The following TRHDE variants were observed in gnomAD, a reference collection of about 807,000 sequenced individuals.
TRHDE encodes the protein thyrotropin-releasing hormone-degrading ectoenzyme.
TRHDE carries 72 observed loss-of-function variants against 125.7 expected under a neutral mutation model. The ratio of observed to expected loss-of-function variants is 0.57; its 90% CI spans 0.47 to 0.70. TRHDE has a LOEUF of 0.70. TRHDE is among the 30% of genes least tolerant of loss of function. The pLI is 0.00. For missense variants in TRHDE, 1,110 were observed against 1,327.1 expected, an observed-to-expected ratio of 0.84 and a Z score of 2.54; for synonymous variants, 509 against 509.1, an observed-to-expected ratio of 1.00 and a Z score of 0.00.
chr12:72,093,105 T>A (rs1363340609), intron 1 of TRHDE, among the ~76,000 whole-genome samples: 1 of 152,222 alleles, frequency 6.6e-6, no homozygotes, highest in Non-Finnish European at 1.5e-5. Context: ...TATTTTAAAT[T>A]GTGAATGGGT....
chr12:72,490,586 G>A (rs1469357218), intron 5 of TRHDE, among the ~76,000 whole-genome samples: 2 of 146,760 alleles, frequency 1.4e-5, no homozygotes, highest in African/African-American at 5.3e-5. Flanking sequence ...TTGTCGATGA[G>A]GAAATTTTGT....
At chr12:72,463,221 G>A (rs1051279356) in intron 3 of TRHDE, among the ~76,000 whole-genome samples, 1 of 152,290 alleles carries the variant, frequency 6.6e-6, no homozygotes, top group Admixed American at 6.5e-5. Flanking sequence ...TGATGCTCCT[G>A]AATTGCTAGG....
intron 1 of TRHDE, among the ~76,000 whole-genome samples, chr12:72,274,116 T>C (rs559436904): frequency 6.6e-6 from 1 of 151,958 alleles, no homozygotes; most frequent in South Asian, 2.1e-4. Flanking sequence ...AACTTCAAGT[T>C]GAGATTCGGA....
intron 17 of TRHDE, among the ~76,000 whole-genome samples, chr12:72,656,656 T>C (rs1487212392): frequency 6.6e-6 from 1 of 152,066 alleles, no homozygotes; most frequent in Non-Finnish European, 1.5e-5. Flanking sequence ...CTAAATCCAG[T>C]TTTAGAGGGC....
intron 1 of TRHDE, among the ~76,000 whole-genome samples, chr12:72,281,460 T>C (rs1879695484): frequency 6.6e-6 from 1 of 152,202 alleles, no homozygotes; most frequent in Admixed American, 6.5e-5. Flanking sequence ...TTGAAACTTT[T>C]CTTTAGGTCT....
intron 3 of TRHDE, among the ~76,000 whole-genome samples, chr12:72,422,892 TCTA>T (rs913640993): frequency 1.2e-4 from 18 of 152,134 alleles, no homozygotes; most frequent in Non-Finnish European, 2.5e-4. Flanking sequence ...TCTTTCACTT[TCTA>T]CTATGTAATG....
intron 3 of TRHDE, among the ~76,000 whole-genome samples, chr12:72,453,320 T>A (rs1875673866): frequency 6.6e-6 from 1 of 152,190 alleles, no homozygotes; most frequent in Admixed American, 6.5e-5. Context: ...TAGGGATATG[T>A]GGAAGTTTGA....
chr12:72,643,923 AG>A (rs1374286696), intron 15 of TRHDE, among the ~76,000 whole-genome samples: 2 of 152,206 alleles, frequency 1.3e-5, no homozygotes, highest in Non-Finnish European at 2.9e-5. Flanking sequence ...TTCAACTCTC[AG>A]AAGATTATAT....
At chr12:72,184,542 G>T (rs981885047) in intron 2 of TRHDE, among the ~76,000 whole-genome samples, 2 of 152,102 alleles carry the variant, frequency 1.3e-5, no homozygotes, top group Non-Finnish European at 2.9e-5. Context: ...TTATAGTATG[G>T]AAAGGAAGAA....
intron 2 of TRHDE, among the ~76,000 whole-genome samples, chr12:72,143,994 C>T (rs1876172503): frequency 6.6e-6 from 1 of 152,162 alleles, no homozygotes; most frequent in South Asian, 2.1e-4. Context: ...ACTTTTGTAA[C>T]TATAGATTGG....
At chr12:72,475,848 CCAT>C (rs1876866796) in intron 5 of TRHDE, among the ~76,000 whole-genome samples, 1 of 152,086 alleles carries the variant, frequency 6.6e-6, no homozygotes, top group African/African-American at 2.4e-5. Flanking sequence ...ATAATAAACT[CCAT>C]CACATTTAAT....
At position 72,179,164 on chromosome 12, in the gene TRHDE, A is replaced by G. The variant is rs111456743; in HGVS notation, n.279+73412A>G. The stretch of plus-strand genomic sequence containing the variant: ...TCTGGTACAAGAAGTTCATGACAAC[A>G]CTTGGAGTTGTTGCAGGATATATCG... On this transcript the variant is annotated intron_variant and non_coding_transcript_variant, in intron 2 of 4. Coordinates refer to the TRHDE transcript ENST00000548156. 2.8e-3 allele frequency among the ~76,000 whole-genome samples: 421 copies of G among 152,278 alleles called. 3 individuals are homozygous for G. Among genetic ancestry groups the G allele is most frequent in the African/African-American group, 9.5e-3 (393 of 41,570 alleles).
At chr12:72,497,960 A>T (rs1385739347) in intron 5 of TRHDE, among the ~76,000 whole-genome samples, 3 of 140,180 alleles carry the variant, frequency 2.1e-5, no homozygotes, top group Admixed American at 1.4e-4. Flanking sequence ...CATATTTGTC[A>T]TTTAATTCAG....
At chr12:72,136,286 C>T (rs1413400774) in intron 2 of TRHDE, among the ~76,000 whole-genome samples, 3 of 152,058 alleles carry the variant, frequency 2.0e-5, no homozygotes, top group African/African-American at 7.2e-5. Flanking sequence ...GCATAACAGC[C>T]TCTGAATTGC....
At chr12:72,137,310 A>G (rs2139311907) in intron 2 of TRHDE, 1 of 152,374 alleles carries the variant, frequency 6.6e-6, no homozygotes. Context: ...CCAGAACCAT[A>G]GAGATTATTT....
intron 2 of TRHDE, among the ~76,000 whole-genome samples, chr12:72,232,413 C>T (rs1456593624): frequency 6.6e-6 from 1 of 152,004 alleles, no homozygotes; most frequent in African/African-American, 2.4e-5. Context: ...ATAGAAGGTG[C>T]TGGAATATGG....
intron 1 of TRHDE, among the ~76,000 whole-genome samples, chr12:72,278,060 T>A (rs191213202): frequency 1.6e-3 from 237 of 152,306 alleles, no homozygotes; most frequent in African/African-American, 5.1e-3. Flanking sequence ...TCTAAGTAAT[T>A]ATATATCCTT....
chr12:72,166,185 A>G lies in TRHDE; in HGVS notation n.279+60433A>G, dbSNP rs371187892. Among the ~76,000 whole-genome samples, 5 of 152,264 alleles carry G rather than the reference A, an allele frequency of 3.3e-5. No homozygotes were observed. In the East Asian group the frequency reaches 7.7e-4, roughly 24 times the overall value. ...GTATTTGTGTATCTAAAGATATCTA[A>G]ACATAGAAAAAGTATAGTAAAAATA... On this transcript the variant is annotated intron_variant and non_coding_transcript_variant, in intron 2 of 4. Coordinates refer to the TRHDE transcript ENST00000548156.
intron 7 of TRHDE, among the ~76,000 whole-genome samples, chr12:72,548,228 T>C (rs1869514502): frequency 6.6e-6 from 1 of 151,774 alleles, no homozygotes. Flanking sequence ...TTGCCCTCAT[T>C]TTTTTGTCTG....
Sources: gnomAD v4.1 joint callset for allele counts (sites outside exome capture counted in the v4.1 genomes callset) on GRCh38, gnomAD v4.1.1 for gene constraint, MANE v1.5 for transcripts, NCBI Gene and HGNC (gene_info 2026-07-23, HGNC 2026-07-21) for gene names.